Variants in SCGB2B2 observed in about 807,000 individuals in gnomAD.
SCGB2B2 encodes secretoglobin family 2B member 2.
In SCGB2B2, 11 loss-of-function variants were observed where a neutral mutation model predicts 7.6. The observed-to-expected ratio is 1.45, with a 90% CI of 0.91 to 2.40. SCGB2B2 has a LOEUF of 2.40. SCGB2B2 is among the 30% of genes most tolerant of loss of function. SCGB2B2 has a pLI of 0.00. For synonymous variants in SCGB2B2, 50 were observed against 48.6 expected (o/e 1.03, Z -0.12); for missense variants, 104 against 115.4 (o/e 0.90, Z 0.45).
At chr19:34,656,602 CAA>C (rs1261944005) in intron 1 of SCGB2B2, among the ~76,000 whole-genome samples, 1 of 150,944 alleles carries the variant, frequency 6.6e-6, no homozygotes, top group African/African-American at 2.5e-5. Context: ...AACCTTGTCT[CAA>C]AGAAAATTTA....
intron 1 of SCGB2B2, among the ~76,000 whole-genome samples, chr19:34,665,782 C>T (rs1433682556): frequency 1.3e-5 from 2 of 152,044 alleles, no homozygotes; most frequent in Non-Finnish European, 2.9e-5. Context: ...CAGGTCAGAG[C>T]CACAGGCCCA....
intron 1 of SCGB2B2, among the ~76,000 whole-genome samples, chr19:34,655,226 T>C (rs1372260954): frequency 6.6e-6 from 1 of 151,298 alleles, no homozygotes; most frequent in Non-Finnish European, 1.5e-5. Flanking sequence ...TGCCTCATTA[T>C]ACCCAATTCC....
intron 1 of SCGB2B2, among the ~76,000 whole-genome samples, chr19:34,623,316 C>T (rs1191041995): frequency 6.6e-6 from 1 of 152,168 alleles, no homozygotes; most frequent in Non-Finnish European, 1.5e-5. Context: ...ATCCAGGCTG[C>T]ACTCGAGGAA....
intron 1 of SCGB2B2, among the ~76,000 whole-genome samples, chr19:34,645,169 C>T (rs12609781): frequency 0.095 from 14,516 of 152,150 alleles, 869 homozygotes; most frequent in East Asian, 0.22. Context: ...GGCAAACATT[C>T]AGACAAACTC....
At chr19:34,629,980 T>G (rs1271319819) in intron 1 of SCGB2B2, among the ~76,000 whole-genome samples, 1 of 151,978 alleles carries the variant, frequency 6.6e-6, no homozygotes, top group South Asian at 2.1e-4. Flanking sequence ...CTATCTGATC[T>G]TTGACAAACC....
intron 1 of SCGB2B2, chr19:34,646,036 TC>T: frequency 3.5e-6 from 1 of 285,204 alleles, no homozygotes; most frequent in South Asian, 3.6e-5. Context: ...TCTGTTTCAT[TC>T]CCAGAAAGCC....
intron 1 of SCGB2B2, among the ~76,000 whole-genome samples, chr19:34,644,351 T>TG (rs1038478696): frequency 2.0e-5 from 2 of 102,092 alleles, no homozygotes; most frequent in Admixed American, 8.9e-5. Flanking sequence ...TGTTTTTTTG[T>TG]TTTTTTTTTT....
intron 3 of SCGB2B2, 30 bp from the exon 4 acceptor site, chr19:34,593,629 G>T (rs538787049): frequency 2.6e-6 from 4 of 1,544,820 alleles, no homozygotes; most frequent in Non-Finnish European, 8.8e-7. Flanking sequence ...GAGAGGAGCC[G>T]GTGGCCTCTG....
chr19:34,597,964 AG>A (rs1219865758), intron 1 of SCGB2B2, among the ~76,000 whole-genome samples: 2 of 146,656 alleles, frequency 1.4e-5, no homozygotes, highest in Non-Finnish European at 3.0e-5. Context: ...GAATGGAGTG[AG>A]GGGGCAGAGG....
chr19:34,619,475 G>T (rs567852378), intron 1 of SCGB2B2, among the ~76,000 whole-genome samples: 2 of 152,266 alleles, frequency 1.3e-5, no homozygotes, highest in South Asian at 4.1e-4. Flanking sequence ...TAAGAGGATG[G>T]TAACCTTGGA....
intron 1 of SCGB2B2, chr19:34,635,100 C>T: frequency 3.5e-6 from 1 of 285,178 alleles, no homozygotes; most frequent in Non-Finnish European, 7.3e-6. Context: ...ACTTATAAGG[C>T]TTTGCCCCAG....
intron 1 of SCGB2B2, among the ~76,000 whole-genome samples, chr19:34,614,900 C>T (rs1007474891): frequency 6.6e-6 from 1 of 152,166 alleles, no homozygotes; most frequent in African/African-American, 2.4e-5. Context: ...CTATGAGTGA[C>T]CCCATGGCCT....
At position 34,592,551 on chromosome 19, in the gene SCGB2B2, G is replaced by A. The variant is rs2065324968; in HGVS notation, c.*1004C>T. 6.6e-6 allele frequency among the ~76,000 whole-genome samples: 1 copy of A among 152,126 alleles called. No homozygotes were observed. The highest frequency in any genetic ancestry group is 1.5e-5 in the Non-Finnish European group (1 of 68,008). On this transcript the variant is annotated 3_prime_UTR_variant, in exon 4 of 4. Coordinates refer to ENST00000601241, the MANE Select transcript of SCGB2B2 (RefSeq NM_001025591.4). ...GATAGGGGTAGGCGACCACCGCCTG[G>A]GAGGTCCAAGGAGCCTGCGGAAAGG...
At chr19:34,594,040 C>G (rs1221242399) in intron 3 of SCGB2B2, 135 bp downstream of exon 3, 1 of 706,236 alleles carries the variant, frequency 1.4e-6, no homozygotes, top group African/African-American at 1.8e-5. Flanking sequence ...TGGGGAACTT[C>G]ATCTGATTTT....
chr19:34,665,548 A>G (rs1358153580), intron 1 of SCGB2B2, among the ~76,000 whole-genome samples: 1 of 152,146 alleles, frequency 6.6e-6, no homozygotes, highest in African/African-American at 2.4e-5. Flanking sequence ...AGGTGACCTC[A>G]TGCGGGCATG....
intron 1 of SCGB2B2, among the ~76,000 whole-genome samples, chr19:34,671,136 G>T (rs1056871237): frequency 2.6e-5 from 4 of 152,166 alleles, no homozygotes; most frequent in Non-Finnish European, 5.9e-5. Context: ...GGCTGGTCTT[G>T]AACTCCTGAC....
chr19:34,628,399 G>C (rs10413085), intron 1 of SCGB2B2, among the ~76,000 whole-genome samples: 1 of 151,158 alleles, frequency 6.6e-6, no homozygotes, highest in African/African-American at 2.4e-5. Flanking sequence ...AAAGAGAGAA[G>C]AATCAAATAG....
At chr19:34,635,468 A>G (rs2066649669) in intron 1 of SCGB2B2, 1 of 297,000 alleles carries the variant, frequency 3.4e-6, no homozygotes, top group Middle Eastern at 4.4e-4. Context: ...TCTTGTGTTG[A>G]ACAAGATGGG....
chr19:34,594,616 A>C lies in SCGB2B2; in HGVS notation c.-53T>G. ...CAGGCAGGGAATTTGGCGATGGGTG[A>C]GCTTTATGTATATCTGAACAAGGCA... On this transcript the variant is annotated 5_prime_UTR_variant, in exon 2 of 4. Coordinates refer to ENST00000601241, the MANE Select transcript of SCGB2B2 (RefSeq NM_001025591.4). The C allele has an allele frequency of 1.4e-6, 2 of 1,413,966 alleles. No homozygotes were observed. The highest frequency in any genetic ancestry group is 2.0e-6 in the Non-Finnish European group (2 of 1,001,582). 87.6% of individuals were successfully genotyped at this position (1,413,966 alleles called of 1,614,324 possible).
Sources: gnomAD v4.1 joint callset for allele counts (sites outside exome capture counted in the v4.1 genomes callset) on GRCh38, gnomAD v4.1.1 for gene constraint, MANE v1.5 for transcripts, NCBI Gene and HGNC (gene_info 2026-07-23, HGNC 2026-07-21) for gene names.